The following ADGRL3 variants were observed in gnomAD, a reference collection of about 807,000 sequenced individuals.
ADGRL3 encodes adhesion G protein-coupled receptor L3.
In ADGRL3, 62 loss-of-function variants were observed where a neutral mutation model predicts 153.5. That is an observed-to-expected ratio of 0.40 (90% CI 0.33 to 0.50). The LOEUF (loss-of-function observed/expected upper bound fraction) is 0.50. ADGRL3 is among the 20% of genes least tolerant of loss of function. The probability of loss-of-function intolerance (pLI) is 0.47; values close to 1 mark genes in which losing one functional copy is unlikely to be tolerated. For missense variants in ADGRL3, 1,641 were observed against 1,859.4 expected (o/e 0.88, Z 2.16); for synonymous variants, 710 against 672.5 (o/e 1.06, Z -0.86).
rs1274063039 is a variant in ADGRL3 at position 61,369,914 on chromosome 4, A to C, written c.-239-13210A>C. 2.0e-5 allele frequency among the ~76,000 whole-genome samples: 3 copies of C among 152,014 alleles called. No homozygotes were observed. In the East Asian group the frequency reaches 5.8e-4, roughly 29 times the overall value. On this transcript the variant is annotated intron_variant, in intron 1 of 26. Transcript: ENST00000683033. Reference sequence around the variant, plus strand: ...TATTGCCACAATTTCAGATCCTATTATTGGTCTATTCAGAGATTCAACTTC... The same window carrying C: ...TATTGCCACAATTTCAGATCCTATTCTTGGTCTATTCAGAGATTCAACTTC...
intron 18 of ADGRL3, among the ~76,000 whole-genome samples, chr4:61,982,871 T>C (rs1384690064): frequency 3.3e-5 from 5 of 152,146 alleles, no homozygotes; most frequent in Non-Finnish European, 7.4e-5. Context: ...TTACTAATAA[T>C]TAATTTCATC....
intron 25 of ADGRL3, among the ~76,000 whole-genome samples, chr4:62,065,761 TTG>T (rs2151898980): frequency 6.6e-6 from 1 of 152,174 alleles, no homozygotes; most frequent in African/African-American, 2.4e-5. Flanking sequence ...ATCTGCCTTC[TTG>T]TCTTACTTTA....
intron 2 of ADGRL3, among the ~76,000 whole-genome samples, chr4:61,451,026 ATTTTGTGAGCAC>A (rs2097667149): frequency 6.6e-6 from 1 of 152,164 alleles, no homozygotes; most frequent in Non-Finnish European, 1.5e-5. Flanking sequence ...GTTAGTAACC[ATTTTGTGAGCAC>A]TTACTGTTTG....
intron 17 of ADGRL3, among the ~76,000 whole-genome samples, chr4:61,959,755 G>T (rs1031531435): frequency 2.0e-5 from 3 of 152,000 alleles, no homozygotes; most frequent in East Asian, 1.9e-4. Flanking sequence ...TAAGAAATTA[G>T]CTTTATTATT....
At chr4:61,723,911 CA>C (rs2151685848) in intron 6 of ADGRL3, among the ~76,000 whole-genome samples, 1 of 152,204 alleles carries the variant, frequency 6.6e-6, no homozygotes, top group Admixed American at 6.5e-5. Flanking sequence ...ATAGTATCAC[CA>C]AAGTCATGAG....
chr4:61,746,646 TC>T (rs1371103001), intron 8 of ADGRL3, among the ~76,000 whole-genome samples: 1 of 152,152 alleles, frequency 6.6e-6, no homozygotes, highest in East Asian at 1.9e-4. Context: ...ATAAAGATGT[TC>T]TTTGAAACCA....
intron 9 of ADGRL3, among the ~76,000 whole-genome samples, chr4:61,868,756 G>A (rs2098417851): frequency 6.6e-6 from 1 of 152,094 alleles, no homozygotes; most frequent in African/African-American, 2.4e-5. Context: ...TCCTTGGCAA[G>A]GCATTTCCAG....
At chr4:61,978,350 A>G (rs976375002) in intron 17 of ADGRL3, among the ~76,000 whole-genome samples, 10 of 150,314 alleles carry the variant, frequency 6.7e-5, no homozygotes, top group South Asian at 4.2e-4. Context: ...AAAAAAAAAT[A>G]TTAGATTTTT....
At chr4:61,556,448 A>T (rs2098767550) in intron 4 of ADGRL3, among the ~76,000 whole-genome samples, 2 of 152,072 alleles carry the variant, frequency 1.3e-5, no homozygotes, top group African/African-American at 4.8e-5. Flanking sequence ...AGAGTCATGG[A>T]GGTGGGAGGT....
intron 3 of ADGRL3, among the ~76,000 whole-genome samples, chr4:61,505,470 A>G (rs1168559200): frequency 6.6e-6 from 1 of 152,102 alleles, no homozygotes; most frequent in South Asian, 2.1e-4. Context: ...GGTGAATTGT[A>G]TACAAAACAG....
intron 2 of ADGRL3, among the ~76,000 whole-genome samples, chr4:61,475,438 G>A (rs532648398): frequency 6.6e-5 from 10 of 152,202 alleles, no homozygotes; most frequent in South Asian, 2.1e-4. Flanking sequence ...CTTAGTCCCC[G>A]TGGTCCTATA....
At chr4:61,664,624 G>T (rs1016173152) in intron 5 of ADGRL3, among the ~76,000 whole-genome samples, 1 of 151,706 alleles carries the variant, frequency 6.6e-6, no homozygotes, top group African/African-American at 2.4e-5. Context: ...TCACATAGTG[G>T]GGATTCATTT....
At chr4:61,282,463 T>C (rs2093759056) in intron 1 of ADGRL3, among the ~76,000 whole-genome samples, 1 of 152,030 alleles carries the variant, frequency 6.6e-6, no homozygotes, top group African/African-American at 2.4e-5. Flanking sequence ...ATAAGATCAT[T>C]TTGTGTATGG....
intron 5 of ADGRL3, among the ~76,000 whole-genome samples, chr4:61,610,866 G>C (rs1332376990): frequency 6.6e-6 from 1 of 151,898 alleles, no homozygotes; most frequent in Non-Finnish European, 1.5e-5. Flanking sequence ...AGATAGTGGG[G>C]TGTAGAGTGT....
chr4:61,860,914 A>G (rs2098334228), intron 9 of ADGRL3, among the ~76,000 whole-genome samples: 1 of 152,334 alleles, frequency 6.6e-6, no homozygotes, highest in Non-Finnish European at 1.5e-5. Context: ...GATAGGAACC[A>G]TGTTCAGTCT....
intron 1 of ADGRL3, among the ~76,000 whole-genome samples, chr4:61,380,458 T>A (rs1206855775): frequency 6.6e-6 from 1 of 152,076 alleles, no homozygotes; most frequent in African/African-American, 2.4e-5. Flanking sequence ...ATTCCAGTTT[T>A]TTTGTAATTG....
At chr4:61,252,801 T>A (rs1560385698) in intron 1 of ADGRL3, among the ~76,000 whole-genome samples, 1 of 152,098 alleles carries the variant, frequency 6.6e-6, no homozygotes, top group African/African-American at 2.4e-5. Context: ...TATATTTACA[T>A]CTAAATGACC....
chr4:61,239,292 T>C (rs1030228710), intron 1 of ADGRL3, among the ~76,000 whole-genome samples: 32 of 152,136 alleles, frequency 2.1e-4, no homozygotes, highest in African/African-American at 7.5e-4. Flanking sequence ...GGGTGATATT[T>C]TATAGAGATG....
At chr4:61,663,699 CCTGTGACAATAACAA>C (rs2094688599) in intron 5 of ADGRL3, among the ~76,000 whole-genome samples, 1 of 152,166 alleles carries the variant, frequency 6.6e-6, no homozygotes, top group Admixed American at 6.5e-5. Flanking sequence ...TCCCACGTCT[CCTGTGACAATAACAA>C]ATTTTTTCCC....
Sources: allele counts gnomAD v4.1 joint callset (sites outside exome capture counted in the v4.1 genomes callset), GRCh38; gene constraint gnomAD v4.1.1; transcripts MANE v1.5; gene names NCBI Gene and HGNC (gene_info 2026-07-23, HGNC 2026-07-21).